CACNA2D1: variants seen among roughly 807,000 people sequenced by gnomAD.
CACNA2D1 encodes the protein calcium voltage-gated channel auxiliary subunit alpha2delta 1.
In CACNA2D1, 53 loss-of-function variants were observed where a neutral mutation model predicts 171.5. The ratio of observed to expected loss-of-function variants is 0.31; its 90% CI spans 0.25 to 0.39. CACNA2D1 has a LOEUF of 0.39. Ranked by LOEUF, CACNA2D1 falls within the 10% of genes least tolerant of loss-of-function variation. CACNA2D1 has a pLI of 1.00. For synonymous variants in CACNA2D1, 442 were observed against 443.1 expected, an observed-to-expected ratio of 1.00 and a Z score of 0.03; for missense variants, 903 against 1,299.8, an observed-to-expected ratio of 0.69 and a Z score of 4.69.
At chr7:82,433,801 A>G (rs1829906876) in intron 1 of CACNA2D1, among the ~76,000 whole-genome samples, 1 of 152,210 alleles carries the variant, frequency 6.6e-6, no homozygotes, top group Non-Finnish European at 1.5e-5. Flanking sequence ...TATCCAGGGT[A>G]ATAGCAACTG....
chr7:82,274,889 T>TG (rs60630759), intron 3 of CACNA2D1, among the ~76,000 whole-genome samples: 4 of 150,562 alleles, frequency 2.7e-5, no homozygotes, highest in Admixed American at 1.3e-4. Context: ...AATGAATGAA[T>TG]AATGGCCAAT....
chr7:82,442,791 TGGACAGCAC>T (rs1159319283), intron 1 of CACNA2D1, among the ~76,000 whole-genome samples: 1 of 152,150 alleles, frequency 6.6e-6, no homozygotes, highest in African/African-American at 2.4e-5. Context: ...GCCCCCTGCG[TGGACAGCAC>T]GCTCGGCCGC....
intron 3 of CACNA2D1, among the ~76,000 whole-genome samples, chr7:82,220,924 G>A (rs116934162): frequency 0.017 from 2,542 of 151,958 alleles, 32 homozygotes; most frequent in South Asian, 0.038. Flanking sequence ...GACTATAGGC[G>A]CGTGCCACCA....
intron 3 of CACNA2D1, among the ~76,000 whole-genome samples, chr7:82,175,806 T>C (rs536208542): frequency 6.6e-6 from 1 of 152,152 alleles, no homozygotes; most frequent in Non-Finnish European, 1.5e-5. Flanking sequence ...TCTACATATC[T>C]AGCATAATAC....
chr7:82,072,524 A>G (rs949601345), intron 7 of CACNA2D1, among the ~76,000 whole-genome samples: 1 of 151,622 alleles, frequency 6.6e-6, no homozygotes, highest in Non-Finnish European at 1.5e-5. Context: ...TTGAAAAATA[A>G]CAATCATTCC....
chr7:82,177,069 T>C (rs73389906), intron 3 of CACNA2D1, among the ~76,000 whole-genome samples: 48 of 13,822 alleles, frequency 3.5e-3, no homozygotes, highest in Admixed American at 5.4e-3. Context: ...CAGGTCTCTA[T>C]TTTTTTTTTT....
At chr7:82,315,026 C>T (rs924806723) in intron 3 of CACNA2D1, among the ~76,000 whole-genome samples, 2 of 142,438 alleles carry the variant, frequency 1.4e-5, no homozygotes, top group Non-Finnish European at 3.0e-5. Context: ...CTCCCAGCTA[C>T]TCGGGAGGCT....
At chr7:82,217,910 A>ATTAT (rs60997591) in intron 3 of CACNA2D1, among the ~76,000 whole-genome samples, 21,232 of 143,694 alleles carry the variant, frequency 0.15, 1,776 homozygotes, top group Admixed American at 0.24. Context: ...CCAAGACTAC[A>ATTAT]TTATTTATTT....
At chr7:82,012,053 G>T in intron 15 of CACNA2D1, 101 bp downstream of exon 15, 2 of 799,752 alleles carry the variant, frequency 2.5e-6, no homozygotes, top group Non-Finnish European at 2.2e-6. Flanking sequence ...TTTGGGGAGG[G>T]TTTAATGAAA....
chr7:81,954,765 A>G (rs752545473), intron 38 of CACNA2D1, among the ~76,000 whole-genome samples: 18 of 152,118 alleles, frequency 1.2e-4, no homozygotes, highest in Non-Finnish European at 2.1e-4. Context: ...CAAATCATGG[A>G]CTAACTTTTG....
chr7:82,116,803 T>C (rs957574864), intron 6 of CACNA2D1, among the ~76,000 whole-genome samples: 8 of 152,212 alleles, frequency 5.3e-5, no homozygotes, highest in African/African-American at 1.7e-4. Flanking sequence ...AACATTAAGT[T>C]AGAAGGACCA....
At chr7:82,333,537 G>C (rs1166936939) in intron 3 of CACNA2D1, among the ~76,000 whole-genome samples, 1 of 151,836 alleles carries the variant, frequency 6.6e-6, no homozygotes, top group Non-Finnish European at 1.5e-5. Context: ...AAAACCATCA[G>C]ATCTCATGAG....
Position 82,064,364 on chromosome 7 carries a change from A to G in CACNA2D1, c.729-10T>C. Reference sequence around the variant, plus strand: ...AGCTCCTTGGATGTACCTGAAACAAATATTGTAATAAATGCTTTTCTCTTC... The same window carrying G: ...AGCTCCTTGGATGTACCTGAAACAAGTATTGTAATAAATGCTTTTCTCTTC... On this transcript the variant is annotated splice_polypyrimidine_tract_variant and intron_variant, in intron 8 of 38. Transcript: ENST00000356860. The G allele has an allele frequency of 6.3e-7, 1 of 1,587,432 alleles. No individual in the cohort carries two copies. Among genetic ancestry groups the G allele is most frequent in the Non-Finnish European group, 8.6e-7 (1 of 1,156,696 alleles).
intron 11 of CACNA2D1, among the ~76,000 whole-genome samples, chr7:82,035,623 C>G (rs1729861669): frequency 6.6e-6 from 1 of 152,032 alleles, no homozygotes; most frequent in Admixed American, 6.6e-5. Flanking sequence ...TGTGGCCTCT[C>G]TAGTGAGGCT....
intron 3 of CACNA2D1, among the ~76,000 whole-genome samples, chr7:82,309,188 CTGA>C (rs1265111769): frequency 6.6e-6 from 1 of 152,026 alleles, no homozygotes; most frequent in African/African-American, 2.4e-5. Context: ...GGTGGATCAC[CTGA>C]GGTCAGGAGT....
intron 3 of CACNA2D1, among the ~76,000 whole-genome samples, chr7:82,317,599 T>G (rs1409269349): frequency 2.0e-5 from 3 of 152,162 alleles, no homozygotes; most frequent in Non-Finnish European, 4.4e-5. Flanking sequence ...ACTTGCTGCT[T>G]CTTAATATGC....
At chr7:82,150,482 G>C (rs1192871474) in intron 4 of CACNA2D1, among the ~76,000 whole-genome samples, 1 of 149,864 alleles carries the variant, frequency 6.7e-6, no homozygotes, top group East Asian at 1.9e-4. Flanking sequence ...ATGTAAAACT[G>C]TAAAAAAGAA....
chr7:82,432,992 C>A (rs1461969260), intron 1 of CACNA2D1, among the ~76,000 whole-genome samples: 1 of 152,070 alleles, frequency 6.6e-6, no homozygotes, highest in Admixed American at 6.6e-5. Flanking sequence ...TCGAGACCAG[C>A]CTGACCAATA....
intron 1 of CACNA2D1, among the ~76,000 whole-genome samples, chr7:82,412,473 C>A (rs73386102): frequency 0.035 from 5,283 of 151,698 alleles, 176 homozygotes; most frequent in East Asian, 0.12. Context: ...AGTAGAGATG[C>A]GGTTTCAGCA....
Sources: gnomAD v4.1 joint callset for allele counts (sites outside exome capture counted in the v4.1 genomes callset) on GRCh38, gnomAD v4.1.1 for gene constraint, MANE v1.5 for transcripts, NCBI Gene and HGNC (gene_info 2026-07-23, HGNC 2026-07-21) for gene names.